The following RPS6KC1 variants were observed in gnomAD, a reference collection of about 807,000 sequenced individuals.
RPS6KC1 encodes the protein ribosomal protein S6 kinase C1, also known as inactive ribosomal protein S6 kinase delta-1.
A neutral mutation model predicts 103.8 loss-of-function variants in RPS6KC1; 54 were observed. The ratio of observed to expected loss-of-function variants is 0.52; its 90% confidence interval spans 0.42 to 0.65. The LOEUF (loss-of-function observed/expected upper bound fraction) is 0.65, where lower values mean the gene tolerates loss of function less well. Among genes scored for constraint, RPS6KC1 ranks in the 30% least tolerant of loss-of-function variants. RPS6KC1 has a pLI of 0.00. For missense variants in RPS6KC1, 1,151 were observed against 1,253.8 expected (o/e 0.92, Z 1.24); for synonymous variants, 439 against 438.7 (o/e 1.00, Z -0.01).
At chr1:213,738,697 A>G in the RPS6KC1 span, among the ~76,000 whole-genome samples, 8 of 152,008 alleles carry the variant, frequency 5.3e-5, no homozygotes, top group African/African-American at 1.9e-4. Context: ...ATTTAAAAAT[A>G]TTATTACTAA....
chr1:213,717,803 A>C, the RPS6KC1 span, among the ~76,000 whole-genome samples: 3 of 152,218 alleles, frequency 2.0e-5, no homozygotes, highest in African/African-American at 4.8e-5. Flanking sequence ...ATGTTTTCTC[A>C]GGCCAGTATC....
chr1:213,799,809 G>T, the RPS6KC1 span, among the ~76,000 whole-genome samples: 1 of 152,206 alleles, frequency 6.6e-6, no homozygotes, highest in Admixed American at 6.5e-5. Flanking sequence ...AGGATGCCTT[G>T]TCTAGTAGGC....
intron 5 of RPS6KC1, among the ~76,000 whole-genome samples, chr1:213,119,441 T>TG (rs2084098379): frequency 8.8e-3 from 3 of 340 alleles, no homozygotes; most frequent in Admixed American, 0.019. Flanking sequence ...TATATATATA[T>TG]ATATATATAT....
At chr1:213,796,381 C>T in the RPS6KC1 span, among the ~76,000 whole-genome samples, 1 of 152,132 alleles carries the variant, frequency 6.6e-6, no homozygotes, top group African/African-American at 2.4e-5. Flanking sequence ...TACCCCGGTA[C>T]CAGACACAGA....
chr1:213,347,871 CA>C, the RPS6KC1 span, among the ~76,000 whole-genome samples: 2 of 152,008 alleles, frequency 1.3e-5, no homozygotes, highest in Non-Finnish European at 2.9e-5. Flanking sequence ...TCTGCTTTGC[CA>C]TGGAGTAAAC....
the RPS6KC1 span, among the ~76,000 whole-genome samples, chr1:213,831,206 C>T: frequency 1.3e-5 from 2 of 152,306 alleles, no homozygotes; most frequent in East Asian, 3.9e-4. Context: ...ATCCCCAGAA[C>T]CTGTGAAGGT....
chr1:213,068,873 ATGTGTGTGTG>A (rs60259563), intron 1 of RPS6KC1, among the ~76,000 whole-genome samples: 4,912 of 127,372 alleles, frequency 0.039, 122 homozygotes, highest in Middle Eastern at 0.066. Flanking sequence ...AAGTGTATAT[ATGTGTGTGTG>A]TGTGTGTGTG....
the RPS6KC1 span, among the ~76,000 whole-genome samples, chr1:213,745,141 C>T: frequency 1.6e-4 from 25 of 152,250 alleles, no homozygotes; most frequent in Admixed American, 2.0e-4. Flanking sequence ...CTTTATAATA[C>T]ATTTTCCCCC....
At chr1:213,415,895 C>G in the RPS6KC1 span, among the ~76,000 whole-genome samples, 1 of 152,240 alleles carries the variant, frequency 6.6e-6, no homozygotes, top group Admixed American at 6.5e-5. Flanking sequence ...TTTAACTCGG[C>G]AGATGACATG....
At chr1:213,668,680 T>A in the RPS6KC1 span, among the ~76,000 whole-genome samples, 1 of 152,158 alleles carries the variant, frequency 6.6e-6, no homozygotes, top group Admixed American at 6.5e-5. Flanking sequence ...TCCTCTATAG[T>A]TATGGAAGTC....
chr1:213,382,813 C>T, the RPS6KC1 span, among the ~76,000 whole-genome samples: 1 of 152,320 alleles, frequency 6.6e-6, no homozygotes, highest in South Asian at 2.1e-4. Context: ...GAGGGCCTCT[C>T]CTTTCGGTAT....
At chr1:213,518,396 T>G in the RPS6KC1 span, among the ~76,000 whole-genome samples, 1 of 152,158 alleles carries the variant, frequency 6.6e-6, no homozygotes, top group Non-Finnish European at 1.5e-5. Flanking sequence ...CAGTAGAGCA[T>G]GTGAAGATGG....
rs752084246 is a variant in RPS6KC1 at position 213,273,108 on chromosome 1, C to T, written c.*474C>T. ...CAATGTCATCAATGAAACTTAAAAG[C>T]GAGAAAAAAGAATATACACATAATT... On this transcript the variant is annotated 3_prime_UTR_variant, in exon 15 of 15. Coordinates refer to ENST00000366960, the MANE Select transcript of RPS6KC1 (RefSeq NM_012424.6). The T allele has an allele frequency of 3.8e-4, 59 of 154,468 alleles. No homozygotes were observed. The highest frequency in any genetic ancestry group is 7.7e-4 in the Non-Finnish European group (53 of 69,246). The allele number at this position is 154,468 out of a possible 1,614,324, so 9.6% of individuals were successfully genotyped here. A position where few individuals can be genotyped will look rare whatever the true frequency, so the allele number is the denominator to read the frequency against.
chr1:213,359,016 G>A, the RPS6KC1 span, among the ~76,000 whole-genome samples: 1 of 152,188 alleles, frequency 6.6e-6, no homozygotes, highest in Non-Finnish European at 1.5e-5. Flanking sequence ...GTGATGCTGA[G>A]AAGAATGTAT....
the RPS6KC1 span, among the ~76,000 whole-genome samples, chr1:213,439,040 C>T: frequency 8.6e-5 from 13 of 151,948 alleles, no homozygotes; most frequent in Non-Finnish European, 7.4e-5. Flanking sequence ...ATGATCCACC[C>T]GCCTCGGCCT....
chr1:213,081,446 G>A (rs1262072541), intron 3 of RPS6KC1, among the ~76,000 whole-genome samples: 1 of 152,034 alleles, frequency 6.6e-6, no homozygotes, highest in South Asian at 2.1e-4. Flanking sequence ...ATCCATTCCC[G>A]TGATCCAAAC....
chr1:213,447,598 G>A, the RPS6KC1 span, among the ~76,000 whole-genome samples: 1 of 152,116 alleles, frequency 6.6e-6, no homozygotes. Context: ...ACATATGGCT[G>A]GTGGCTACTG....
the RPS6KC1 span, among the ~76,000 whole-genome samples, chr1:213,477,714 T>A: frequency 0.012 from 1,814 of 152,318 alleles, 37 homozygotes; most frequent in African/African-American, 0.039. Context: ...TTCAGATTTT[T>A]AAAAAATTAA....
At position 213,230,518 on chromosome 1, in the gene RPS6KC1, A is replaced by C. The variant is rs372177529; in HGVS notation, c.1066A>C (p.Arg356=). 12 of 1,606,102 alleles carry C rather than the reference A, an allele frequency of 7.5e-6. No homozygotes were observed. Among genetic ancestry groups the C allele is most frequent in the Non-Finnish European group, 9.4e-6 (11 of 1,175,828 alleles). The change falls in exon 9 of 15, where the codon AGG becomes CGG. Residue 356 remains arginine, a synonymous_variant. Transcript: ENST00000366960. ...IDKVLLVMDT[R]TEQTFILKGL... is the part of the protein sequence containing the mutation. ...GTAGGTTTTACTTGTAATGGACACA[A>C]GGACAGAACAGACTTTCATTTTAAA... is the stretch of plus-strand genomic sequence containing the variant.
Sources: gnomAD v4.1 joint callset for allele counts (sites outside exome capture counted in the v4.1 genomes callset) on GRCh38, gnomAD v4.1.1 for gene constraint, MANE v1.5 for transcripts, NCBI Gene and HGNC (gene_info 2026-07-23, HGNC 2026-07-21) for gene names.